Variants in PLD5 observed in about 807,000 individuals in gnomAD.
PLD5 encodes phospholipase D family member 5, also known as inactive phospholipase D5.
A neutral mutation model predicts 61.1 loss-of-function variants in PLD5; 36 were observed. The ratio of observed to expected loss-of-function variants is 0.59; its 90% CI spans 0.45 to 0.78. The LOEUF (loss-of-function observed/expected upper bound fraction) is 0.78. Among genes scored for constraint, PLD5 ranks in the 30% least tolerant of loss-of-function variants. The pLI is 0.00. For synonymous variants in PLD5, 243 were observed against 242.8 expected (o/e 1.00, Z -0.01); for missense variants, 515 against 644.4 (o/e 0.80, Z 2.17).
chr1:242,440,260 C>T (rs547704623), intron 1 of PLD5, among the ~76,000 whole-genome samples: 6 of 152,156 alleles, frequency 3.9e-5, no homozygotes, highest in Non-Finnish European at 4.4e-5. Context: ...CGAGTCACCC[C>T]GGTGGAAGGG....
intron 3 of PLD5, among the ~76,000 whole-genome samples, chr1:242,270,348 T>C (rs568064660): frequency 6.6e-6 from 1 of 151,738 alleles, no homozygotes; most frequent in African/African-American, 2.4e-5. Context: ...CTTAGATCAA[T>C]AATCAGCCAA....
At chr1:242,126,728 A>G (rs915478850) in intron 5 of PLD5, among the ~76,000 whole-genome samples, 1 of 152,066 alleles carries the variant, frequency 6.6e-6, no homozygotes, top group South Asian at 2.1e-4. Context: ...CACTGGAAAA[A>G]CCCTTCTAGA....
chr1:242,503,367 C>A (rs2102992426), intron 1 of PLD5, among the ~76,000 whole-genome samples: 1 of 152,308 alleles, frequency 6.6e-6, no homozygotes, highest in African/African-American at 2.4e-5. Flanking sequence ...TGCCTTCCAC[C>A]ATGAGTAAAA....
intron 5 of PLD5, among the ~76,000 whole-genome samples, chr1:242,212,290 A>G (rs533200455): frequency 2.0e-5 from 3 of 152,382 alleles, no homozygotes; most frequent in East Asian, 3.9e-4. Flanking sequence ...AAGCAGCATT[A>G]AAAGGGGAGC....
chr1:242,522,408 C>G (rs763964572), intron 1 of PLD5, among the ~76,000 whole-genome samples: 1 of 152,088 alleles, frequency 6.6e-6, no homozygotes, highest in Non-Finnish European at 1.5e-5. Context: ...TTGATACTTT[C>G]AATGAAAATC....
intron 1 of PLD5, among the ~76,000 whole-genome samples, chr1:242,446,455 C>T (rs906380183): frequency 3.9e-5 from 6 of 151,988 alleles, no homozygotes; most frequent in East Asian, 1.9e-4. Flanking sequence ...CCTGCAGTCC[C>T]GGCTACTCAG....
intron 3 of PLD5, among the ~76,000 whole-genome samples, chr1:242,269,813 C>T (rs61845533): frequency 8.5e-5 from 13 of 152,062 alleles, no homozygotes; most frequent in Admixed American, 5.9e-4. Flanking sequence ...CTTCCTGGTA[C>T]GGAGCCATCA....
intron 1 of PLD5, among the ~76,000 whole-genome samples, chr1:242,358,198 T>G (rs1400092541): frequency 6.6e-6 from 1 of 152,248 alleles, no homozygotes; most frequent in East Asian, 1.9e-4. Flanking sequence ...TTAACTTTGT[T>G]AAGAGGATTA....
In PLD5 at chr1:242,088,485, AT is replaced by A. The variant is rs1465552070; in HGVS notation, c.*1368del. The A allele has an allele frequency of 1.3e-5, 2 of 152,238 alleles. No homozygotes were observed. The highest frequency in any genetic ancestry group is 4.8e-5 in the African/African-American group (2 of 41,482). The allele number at this position is 152,238 out of a possible 1,614,324, so 9.4% of individuals were successfully genotyped here. A position where few individuals can be genotyped will look rare whatever the true frequency, so the allele number is the denominator to read the frequency against. ...GGTTCTTTTGATTTCAAAACAAGTTATAAATATTTCCTACCGTGACAACATC... is the reference window on the plus strand; with the variant it reads ...GGTTCTTTTGATTTCAAAACAAGTTAAAATATTTCCTACCGTGACAACATC... On this transcript the variant is annotated 3_prime_UTR_variant, in exon 10 of 10. Coordinates refer to ENST00000536534, the MANE Select transcript of PLD5 (RefSeq NM_001372062.1).
intron 1 of PLD5, among the ~76,000 whole-genome samples, chr1:242,413,287 A>C (rs1193699491): frequency 6.8e-6 from 1 of 147,640 alleles, no homozygotes; most frequent in Non-Finnish European, 1.5e-5. Flanking sequence ...TATTTTTCTA[A>C]CCCTTTGTCG....
rs377593631 is a variant in PLD5, at chr1:242,114,379, C to T, written c.934-353G>A. Among the ~76,000 whole-genome samples the T allele has an allele frequency of 1.3e-4, 20 of 152,242 alleles. No individual in the cohort carries two copies. The East Asian group carries it at 1.4e-3, about 10-fold the overall frequency. ...ATAGTGATGAGATTATGGTAATTAGCATATCTATCATCTCAAACTTTATCA... is the reference window on the plus strand; with the variant it reads ...ATAGTGATGAGATTATGGTAATTAGTATATCTATCATCTCAAACTTTATCA... On this transcript the variant is annotated intron_variant, in intron 6 of 9. Transcript: ENST00000536534.
At chr1:242,212,613 CG>C (rs2148987873) in intron 5 of PLD5, among the ~76,000 whole-genome samples, 1 of 152,022 alleles carries the variant, frequency 6.6e-6, no homozygotes, top group African/African-American at 2.4e-5. Context: ...CGCCAGGCAG[CG>C]GGGTGGAGGA....
intron 5 of PLD5, among the ~76,000 whole-genome samples, chr1:242,150,745 C>A (rs1026043294): frequency 1.3e-5 from 2 of 151,516 alleles, no homozygotes; most frequent in Non-Finnish European, 3.0e-5. Flanking sequence ...CTTTTTTATC[C>A]AATCTGTCAA....
intron 2 of PLD5, among the ~76,000 whole-genome samples, chr1:242,327,518 A>G (rs897533981): frequency 6.6e-6 from 1 of 152,230 alleles, no homozygotes; most frequent in African/African-American, 2.4e-5. Flanking sequence ...ATTTGTTAAC[A>G]GTTTTAAATG....
At chr1:242,462,052 C>T (rs554952810) in intron 1 of PLD5, among the ~76,000 whole-genome samples, 1 of 152,286 alleles carries the variant, frequency 6.6e-6, no homozygotes, top group African/African-American at 2.4e-5. Flanking sequence ...GTTTCTTTTA[C>T]TGTGCAGAAA....
chr1:242,473,677 T>C (rs1171490595), intron 1 of PLD5, among the ~76,000 whole-genome samples: 2 of 152,196 alleles, frequency 1.3e-5, no homozygotes, highest in Admixed American at 1.3e-4. Context: ...AGCCATAGAT[T>C]AGCTCTAGTA....
chr1:242,364,864 T>C (rs1272715553), intron 1 of PLD5, among the ~76,000 whole-genome samples: 9 of 150,882 alleles, frequency 6.0e-5, no homozygotes, highest in Non-Finnish European at 1.3e-4. Flanking sequence ...CAGAATTCAA[T>C]AAAAGAGAAA....
chr1:242,496,253 G>GA (rs1187820157), intron 1 of PLD5, among the ~76,000 whole-genome samples: 12 of 151,846 alleles, frequency 7.9e-5, no homozygotes, highest in East Asian at 5.8e-4. Flanking sequence ...AGAAGAAAGG[G>GA]AAAAAAAACC....
At chr1:242,438,632 C>T (rs917423528) in intron 1 of PLD5, among the ~76,000 whole-genome samples, 7 of 151,926 alleles carry the variant, frequency 4.6e-5, no homozygotes, top group East Asian at 1.9e-4. Context: ...TTAGTAGAGA[C>T]GGGGGTTTCT....
Sources: gnomAD v4.1 joint callset for allele counts (sites outside exome capture counted in the v4.1 genomes callset) on GRCh38, gnomAD v4.1.1 for gene constraint, MANE v1.5 for transcripts, NCBI Gene and HGNC (gene_info 2026-07-23, HGNC 2026-07-21) for gene names.